Variants in ZBTB20 observed in about 807,000 individuals in gnomAD.
ZBTB20 encodes zinc finger and BTB domain-containing protein 20.
A neutral mutation model predicts 56.9 loss-of-function variants in ZBTB20; 9 were observed. The ratio of observed to expected loss-of-function variants is 0.16; its 90% CI spans 0.10 to 0.28. ZBTB20 has a LOEUF of 0.28. Among genes scored for constraint, ZBTB20 ranks in the 10% least tolerant of loss-of-function variants. The pLI is 1.00. For synonymous variants in ZBTB20, 417 were observed against 420.7 expected, an observed-to-expected ratio of 0.99 and a Z score of 0.11; for missense variants, 655 against 1,003.0, an observed-to-expected ratio of 0.65 and a Z score of 4.69.
chr3:114,986,769 C>T (rs1333287439), intron 2 of ZBTB20, among the ~76,000 whole-genome samples: 5 of 152,050 alleles, frequency 3.3e-5, no homozygotes, highest in Admixed American at 1.3e-4. Flanking sequence ...CCAAAACAGC[C>T]ACACAATTAA....
chr3:115,019,991 A>G (rs944176751), intron 2 of ZBTB20, among the ~76,000 whole-genome samples: 68 of 151,398 alleles, frequency 4.5e-4, no homozygotes, highest in Middle Eastern at 3.4e-3. Flanking sequence ...TCCAGCTAAC[A>G]GAAAAGGATT....
chr3:114,594,131 C>T (rs543108470), intron 6 of ZBTB20, among the ~76,000 whole-genome samples: 6 of 152,150 alleles, frequency 3.9e-5, no homozygotes, highest in African/African-American at 1.4e-4. Flanking sequence ...AAGAAGAATC[C>T]AAATCTTGCC....
chr3:114,829,558 G>T (rs2073733475), intron 4 of ZBTB20, among the ~76,000 whole-genome samples: 1 of 151,860 alleles, frequency 6.6e-6, no homozygotes, highest in African/African-American at 2.4e-5. Flanking sequence ...AACCTCTTAA[G>T]TACTGTTTCT....
At chr3:114,653,867 T>G (rs1560088923) in intron 6 of ZBTB20, among the ~76,000 whole-genome samples, 1 of 151,942 alleles carries the variant, frequency 6.6e-6, no homozygotes, top group African/African-American at 2.4e-5. Flanking sequence ...TTTAAATAAA[T>G]TTACCTATTT....
At chr3:114,787,356 TATATATATATATACACAC>T (rs2070591199) in intron 5 of ZBTB20, among the ~76,000 whole-genome samples, 2 of 97,444 alleles carry the variant, frequency 2.1e-5, no homozygotes, top group Non-Finnish European at 2.1e-5. Flanking sequence ...TATATATATA[TATATATATATATACACAC>T]ACACACACAC....
intron 4 of ZBTB20, among the ~76,000 whole-genome samples, chr3:114,898,891 A>G (rs1442980847): frequency 6.6e-6 from 1 of 152,144 alleles, no homozygotes; most frequent in African/African-American, 2.4e-5. Context: ...TGTTTTCAAT[A>G]TGAGAAATTT....
chr3:115,121,354 T>C (rs1189006812), intron 1 of ZBTB20, among the ~76,000 whole-genome samples: 1 of 152,044 alleles, frequency 6.6e-6, no homozygotes, highest in Non-Finnish European at 1.5e-5. Flanking sequence ...ATTTTACCTA[T>C]TGCCACTAAC....
At chr3:114,575,453 T>C (rs1002126542) in intron 6 of ZBTB20, among the ~76,000 whole-genome samples, 2 of 152,188 alleles carry the variant, frequency 1.3e-5, no homozygotes, top group Non-Finnish European at 2.9e-5. Context: ...AAAAGCACAG[T>C]ATTTTTTATC....
At chr3:115,104,728 G>T (rs1268895445) in intron 1 of ZBTB20, among the ~76,000 whole-genome samples, 1 of 152,116 alleles carries the variant, frequency 6.6e-6, no homozygotes, top group Non-Finnish European at 1.5e-5. Context: ...GGATGAACAG[G>T]AAGAACACAG....
rs78710207 is a variant in ZBTB20, at chr3:114,582,966, C to T, written c.-294-82575G>A. ...ATATTGTTGATATAGACAGATGCTGCCAATGCACAAAGATCATCCATTTAG... is the reference window on the plus strand; with the variant it reads ...ATATTGTTGATATAGACAGATGCTGTCAATGCACAAAGATCATCCATTTAG... On this transcript the variant is annotated intron_variant, in intron 6 of 11. Transcript: ENST00000675478. Among the ~76,000 whole-genome samples, 1,225 of 152,284 alleles carry T rather than the reference C, an allele frequency of 8.0e-3. 20 individuals carry two copies. Among genetic ancestry groups the T allele is most frequent in the African/African-American group, 0.027 (1,140 of 41,562 alleles).
intron 10 of ZBTB20, 32 bp downstream of exon 10, chr3:114,380,185 C>A: frequency 6.6e-7 from 1 of 1,512,110 alleles, no homozygotes. Flanking sequence ...CCAAGCACTG[C>A]AAAGACACCA....
Position 114,541,960 on chromosome 3 carries a change from T to G in ZBTB20, c.-294-41569A>C, listed in dbSNP as rs1331818908. Among the ~76,000 whole-genome samples the G allele has an allele frequency of 2.0e-5, 3 of 152,308 alleles. No homozygotes were observed. In the East Asian group the frequency reaches 5.8e-4, roughly 29 times the overall value. On this transcript the variant is annotated intron_variant, in intron 6 of 11. Coordinates refer to ENST00000675478, the MANE Select transcript of ZBTB20 (RefSeq NM_001348800.3). The stretch of plus-strand genomic sequence containing the variant: ...AAAACTCTCTTGGAGTTTATAGTAA[T>G]AGATCAACTATTACTATTAAAGAAT...
chr3:114,768,455 A>G (rs1376609463), intron 5 of ZBTB20, among the ~76,000 whole-genome samples: 6 of 152,100 alleles, frequency 3.9e-5, no homozygotes, highest in Non-Finnish European at 5.9e-5. Context: ...ACTTACAATA[A>G]CATTGAAAAC....
chr3:114,483,503 C>A (rs915826318), intron 7 of ZBTB20, among the ~76,000 whole-genome samples: 9 of 151,982 alleles, frequency 5.9e-5, no homozygotes, highest in Non-Finnish European at 1.3e-4. Flanking sequence ...ATCAGACCTT[C>A]TTTAAGTGAA....
intron 7 of ZBTB20, among the ~76,000 whole-genome samples, chr3:114,484,925 C>T (rs900569474): frequency 9.2e-5 from 14 of 152,204 alleles, no homozygotes; most frequent in African/African-American, 3.4e-4. Context: ...TAGAAGTAAT[C>T]CCCATATAAT....
chr3:114,954,109 A>G (rs948380113), intron 3 of ZBTB20, among the ~76,000 whole-genome samples: 23 of 152,164 alleles, frequency 1.5e-4, no homozygotes, highest in African/African-American at 5.1e-4. Flanking sequence ...TGCAGTTTTC[A>G]TACTTTTATG....
intron 6 of ZBTB20, among the ~76,000 whole-genome samples, chr3:114,648,742 G>A (rs1182124644): frequency 6.6e-6 from 1 of 151,960 alleles, no homozygotes; most frequent in African/African-American, 2.4e-5. Context: ...TGTATTTCAA[G>A]GTTCAAAGTA....
At chr3:114,639,290 T>C (rs976300605) in intron 6 of ZBTB20, among the ~76,000 whole-genome samples, 5 of 151,978 alleles carry the variant, frequency 3.3e-5, no homozygotes, top group African/African-American at 9.7e-5. Flanking sequence ...GCCAGAGTAA[T>C]TATGGCAGGA....
intron 7 of ZBTB20, among the ~76,000 whole-genome samples, chr3:114,493,734 C>G (rs977014222): frequency 6.6e-6 from 1 of 152,214 alleles, no homozygotes; most frequent in Non-Finnish European, 1.5e-5. Flanking sequence ...AAATCTTCTT[C>G]TTTTATTTGC....
Sources: allele counts gnomAD v4.1 joint callset (sites outside exome capture counted in the v4.1 genomes callset), GRCh38; gene constraint gnomAD v4.1.1; transcripts MANE v1.5; gene names NCBI Gene and HGNC (gene_info 2026-07-23, HGNC 2026-07-21).